STK39: variants seen among roughly 807,000 people sequenced by gnomAD.
STK39 encodes the protein STE20/SPS1-related proline-alanine-rich protein kinase.
In STK39, 20 loss-of-function variants were observed where a neutral mutation model predicts 77.8. The observed-to-expected ratio is 0.26, with a 90% confidence interval of 0.18 to 0.37. The LOEUF (loss-of-function observed/expected upper bound fraction) is 0.37, where lower values mean the gene tolerates loss of function less well. STK39 is among the 10% of genes least tolerant of loss of function. The probability of loss-of-function intolerance (pLI) is 1.00; values close to 1 mark genes in which losing one functional copy is unlikely to be tolerated. For missense variants in STK39, 479 were observed against 656.5 expected, an observed-to-expected ratio of 0.73 and a Z score of 2.95; for synonymous variants, 246 against 234.1, an observed-to-expected ratio of 1.05 and a Z score of -0.47.
At chr2:168,059,677 G>T (rs566447004) in intron 14 of STK39, among the ~76,000 whole-genome samples, 1 of 152,106 alleles carries the variant, frequency 6.6e-6, no homozygotes, top group Admixed American at 6.6e-5. Flanking sequence ...AACTGTACCC[G>T]GACTTACAAC....
chr2:168,141,804 A>C (rs992782771), intron 5 of STK39, among the ~76,000 whole-genome samples: 1 of 152,206 alleles, frequency 6.6e-6, no homozygotes, highest in South Asian at 2.1e-4. Flanking sequence ...GGTGACAGCA[A>C]TTACCAAAAA....
At chr2:168,212,965 C>G (rs1443574001) in intron 1 of STK39, among the ~76,000 whole-genome samples, 2 of 152,204 alleles carry the variant, frequency 1.3e-5, no homozygotes, top group Non-Finnish European at 2.9e-5. Flanking sequence ...GGAGGAGAAT[C>G]TGCCTCTGCC....
intron 1 of STK39, among the ~76,000 whole-genome samples, chr2:168,195,221 A>G (rs1574545429): frequency 2.0e-5 from 3 of 152,214 alleles, no homozygotes; most frequent in East Asian, 3.9e-4. Context: ...ACAAAATGAG[A>G]CCCCGTCCCT....
intron 17 of STK39, among the ~76,000 whole-genome samples, chr2:167,956,426 A>G (rs1217520780): frequency 6.6e-6 from 1 of 152,086 alleles, no homozygotes; most frequent in East Asian, 1.9e-4. Flanking sequence ...GTTTGGTGGC[A>G]CACACCTGTA....
intron 14 of STK39, among the ~76,000 whole-genome samples, chr2:168,031,373 C>T (rs529456225): frequency 2.0e-5 from 3 of 152,162 alleles, no homozygotes; most frequent in Non-Finnish European, 4.4e-5. Flanking sequence ...CCCAGGGATG[C>T]CCCTTCTTAA....
intron 10 of STK39, among the ~76,000 whole-genome samples, chr2:168,108,764 CCAACACCTCATTTCTAACATATCAT>C (rs1687047079): frequency 6.6e-6 from 1 of 152,108 alleles, no homozygotes; most frequent in Non-Finnish European, 1.5e-5. Flanking sequence ...ATTCATCTTG[CCAACACCTCATTTCTAACATATCAT>C]CAGTTTAGAA....
rs920835161 is a variant in STK39 at position 168,113,420 on chromosome 2, A to G, written c.1089+16121T>C. On this transcript the variant is annotated intron_variant, in intron 10 of 17. Coordinates refer to ENST00000355999, the MANE Select transcript of STK39 (RefSeq NM_013233.3). ...GTGTAACACAGCGAAGACACATGGA[A>G]TATTACCAGATAAGATACATATTAC... Among the ~76,000 whole-genome samples, 4 of 152,226 alleles carry G rather than the reference A, an allele frequency of 2.6e-5. No individual in the cohort carries two copies. The South Asian group carries it at 6.2e-4, about 24-fold the overall frequency.
chr2:168,178,277 C>G (rs1026039536), intron 2 of STK39, among the ~76,000 whole-genome samples: 1 of 152,140 alleles, frequency 6.6e-6, no homozygotes, highest in Non-Finnish European at 1.5e-5. Flanking sequence ...CAGAACATAT[C>G]CTTGGCTCCT....
chr2:167,997,606 C>G (rs77093316), intron 16 of STK39, among the ~76,000 whole-genome samples: 2 of 152,128 alleles, frequency 1.3e-5, no homozygotes, highest in African/African-American at 4.8e-5. Context: ...CTGCAGCCAT[C>G]TGATTTTAAA....
intron 16 of STK39, among the ~76,000 whole-genome samples, chr2:168,005,744 G>A (rs1684116680): frequency 1.3e-5 from 2 of 152,174 alleles, no homozygotes; most frequent in African/African-American, 4.8e-5. Context: ...TCTAGACAAG[G>A]AAAAGCTGTC....
chr2:168,102,653 G>T (rs1686861250), intron 10 of STK39, among the ~76,000 whole-genome samples: 1 of 152,146 alleles, frequency 6.6e-6, no homozygotes, highest in Non-Finnish European at 1.5e-5. Flanking sequence ...TTCTCAGCCA[G>T]GTGCGGTGGC....
intron 2 of STK39, among the ~76,000 whole-genome samples, chr2:168,174,314 C>G (rs1688902065): frequency 6.6e-6 from 1 of 152,094 alleles, no homozygotes; most frequent in African/African-American, 2.4e-5. Flanking sequence ...CGTCTACTTG[C>G]TAACGGAACA....
At chr2:168,166,780 C>T (rs1377559918) in intron 3 of STK39, among the ~76,000 whole-genome samples, 2 of 152,192 alleles carry the variant, frequency 1.3e-5, no homozygotes, top group Non-Finnish European at 1.5e-5. Context: ...CACCTCAGAA[C>T]ATTTCCATCA....
intron 16 of STK39, among the ~76,000 whole-genome samples, chr2:167,998,917 C>T (rs188164062): frequency 1.3e-3 from 201 of 152,248 alleles, no homozygotes; most frequent in African/African-American, 4.4e-3. Flanking sequence ...TAATGAAACG[C>T]GTCTGAAGGA....
chr2:168,054,023 A>G (rs573227351), intron 14 of STK39, among the ~76,000 whole-genome samples: 9 of 152,356 alleles, frequency 5.9e-5, no homozygotes, highest in African/African-American at 2.2e-4. Flanking sequence ...GATAAATGCC[A>G]GTTTCTATTT....
At chr2:167,982,423 C>G (rs1008856189) in intron 16 of STK39, among the ~76,000 whole-genome samples, 1 of 152,222 alleles carries the variant, frequency 6.6e-6, no homozygotes, top group East Asian at 1.9e-4. Flanking sequence ...AGTTGGCTGA[C>G]GAAGCATCAG....
At chr2:168,045,262 T>G (rs1309924668) in intron 14 of STK39, among the ~76,000 whole-genome samples, 1 of 152,168 alleles carries the variant, frequency 6.6e-6, no homozygotes, top group East Asian at 1.9e-4. Flanking sequence ...GGGTGTTTCC[T>G]CTTCTTTTAA....
chr2:168,231,280 T>C (rs187816363), intron 1 of STK39, among the ~76,000 whole-genome samples: 46 of 152,254 alleles, frequency 3.0e-4, no homozygotes, highest in Admixed American at 5.9e-4. Context: ...ATTAGTCTCA[T>C]TTCTTCATAG....
At chr2:168,067,524 C>T (rs1219596622) in intron 12 of STK39, among the ~76,000 whole-genome samples, 1 of 152,234 alleles carries the variant, frequency 6.6e-6, no homozygotes, top group Admixed American at 6.5e-5. Flanking sequence ...GCTTATACAG[C>T]CTGCAGAACC....
Sources: gnomAD v4.1 joint callset for allele counts (sites outside exome capture counted in the v4.1 genomes callset) on GRCh38, gnomAD v4.1.1 for gene constraint, MANE v1.5 for transcripts, NCBI Gene and HGNC (gene_info 2026-07-23, HGNC 2026-07-21) for gene names.